The following NVL variants were observed in gnomAD, a reference collection of about 807,000 sequenced individuals.
The protein encoded by NVL is nuclear valosin-containing protein-like.
Under a neutral mutation model 110.2 loss-of-function variants are expected in NVL, and 84 were observed. The ratio of observed to expected loss-of-function variants is 0.76; its 90% CI spans 0.64 to 0.91. The LOEUF is 0.91. Ranked by LOEUF, NVL falls within the 40% of genes least tolerant of loss-of-function variation. The pLI is 0.00. For synonymous variants in NVL, 354 were observed against 361.1 expected (o/e 0.98, Z 0.22); for missense variants, 882 against 1,035.9 (o/e 0.85, Z 2.04).
At chr1:224,239,774 G>T (rs1309615905) in intron 19 of NVL, among the ~76,000 whole-genome samples, 5 of 152,168 alleles carry the variant, frequency 3.3e-5, no homozygotes, top group Non-Finnish European at 4.4e-5. Flanking sequence ...AACTGGCTTT[G>T]TGTAATACCC....
chr1:224,328,947 G>A (rs1424786313), intron 1 of NVL, among the ~76,000 whole-genome samples: 1 of 151,708 alleles, frequency 6.6e-6, no homozygotes, highest in Non-Finnish European at 1.5e-5. Context: ...AGCTTGCACC[G>A]GTAATCCCAG....
At chr1:224,235,620 T>C (rs377333066) in intron 20 of NVL, among the ~76,000 whole-genome samples, 4 of 151,892 alleles carry the variant, frequency 2.6e-5, no homozygotes, top group East Asian at 3.9e-4. Context: ...CACTGCTACA[T>C]TGGAAGGACA....
chr1:224,310,256 A>G (rs971642287), intron 5 of NVL, among the ~76,000 whole-genome samples: 4 of 152,164 alleles, frequency 2.6e-5, no homozygotes, highest in African/African-American at 7.2e-5. Context: ...ATTACAAGTA[A>G]TCCAGAGATA....
intron 12 of NVL, among the ~76,000 whole-genome samples, chr1:224,291,250 G>A (rs1043995258): frequency 6.6e-6 from 1 of 152,104 alleles, no homozygotes; most frequent in African/African-American, 2.4e-5. Flanking sequence ...TTGTTGCCCT[G>A]GCTGGAGTGC....
intron 22 of NVL, 107 bp from the exon 23 acceptor site, chr1:224,227,777 A>G: frequency 1.0e-6 from 1 of 954,496 alleles, no homozygotes; most frequent in Non-Finnish European, 1.6e-6. Context: ...AGGACCTCAG[A>G]ATGTGATTGT....
chr1:224,295,203 T>A (rs576779636), intron 11 of NVL, among the ~76,000 whole-genome samples: 1 of 152,172 alleles, frequency 6.6e-6, no homozygotes, highest in Admixed American at 6.5e-5. Flanking sequence ...TGTTCTTTTT[T>A]TTTTTTTGAG....
At chr1:224,292,417 ATAAAC>A (rs1667459995) in intron 12 of NVL, among the ~76,000 whole-genome samples, 1 of 152,212 alleles carries the variant, frequency 6.6e-6, no homozygotes. Flanking sequence ...TTATAGGTAA[ATAAAC>A]TAAAGCTTGG....
intron 20 of NVL, among the ~76,000 whole-genome samples, chr1:224,234,910 C>T (rs184806040): frequency 6.6e-6 from 1 of 152,302 alleles, no homozygotes; most frequent in East Asian, 1.9e-4. Context: ...AGTTCCGCCA[C>T]CAAAATCACC....
chr1:224,238,293 G>A (rs1055281711), intron 19 of NVL, among the ~76,000 whole-genome samples: 6 of 152,056 alleles, frequency 3.9e-5, no homozygotes, highest in Non-Finnish European at 7.4e-5. Flanking sequence ...TTGGCCACCC[G>A]AAGTGCTGAG....
chr1:224,270,456 G>C (rs1664971570), intron 17 of NVL, among the ~76,000 whole-genome samples: 1 of 152,184 alleles, frequency 6.6e-6, no homozygotes, highest in African/African-American at 2.4e-5. Flanking sequence ...TGCACGGGAA[G>C]CTGAGGCAGA....
chr1:224,300,974 G>A lies in NVL; in HGVS notation c.961-311C>T, dbSNP rs1474854190. 3.3e-5 allele frequency among the ~76,000 whole-genome samples: 5 copies of A among 152,016 alleles called. No individual in the cohort carries two copies. In the East Asian group the frequency reaches 9.6e-4, roughly 29 times the overall value. On this transcript the variant is annotated intron_variant, in intron 9 of 22. Transcript: ENST00000281701. Reference sequence around the variant, plus strand: ...ACAAAAATTAGCCATGCATGGTGGTGCATGCCTATAATCCCAGCTACTTGG... The same window carrying A: ...ACAAAAATTAGCCATGCATGGTGGTACATGCCTATAATCCCAGCTACTTGG...
At chr1:224,299,192 G>A (rs1219269012) in intron 10 of NVL, among the ~76,000 whole-genome samples, 1 of 152,114 alleles carries the variant, frequency 6.6e-6, no homozygotes, top group Non-Finnish European at 1.5e-5. Context: ...GACAATGTTT[G>A]CAAAAGACGC....
intron 19 of NVL, among the ~76,000 whole-genome samples, chr1:224,238,450 GC>G (rs1292061686): frequency 2.0e-5 from 3 of 152,150 alleles, no homozygotes; most frequent in Non-Finnish European, 4.4e-5. Context: ...CTGTTGCTCT[GC>G]CCACACTCAC....
chr1:224,281,284 C>CGTGT (rs34156240), intron 15 of NVL, 99 bp from the exon 16 acceptor site: 141,681 of 546,690 alleles, frequency 0.26, 9,768 homozygotes, highest in Non-Finnish European at 0.28. Context: ...ACTCTGTGTG[C>CGTGT]GTGTGTGTGT....
At chr1:224,297,082 A>G (rs924390290) in intron 10 of NVL, among the ~76,000 whole-genome samples, 1 of 152,256 alleles carries the variant, frequency 6.6e-6, no homozygotes, top group Non-Finnish European at 1.5e-5. Flanking sequence ...ATAATTTGCT[A>G]TAAGAGGAAA....
chr1:224,255,520 C>T (rs955472637), intron 18 of NVL, among the ~76,000 whole-genome samples: 2 of 152,164 alleles, frequency 1.3e-5, no homozygotes, highest in African/African-American at 4.8e-5. Context: ...AATCCTTTAT[C>T]AGATATATGC....
chr1:224,251,578 T>C (rs1300405879), intron 18 of NVL, among the ~76,000 whole-genome samples: 1 of 152,126 alleles, frequency 6.6e-6, no homozygotes, highest in Non-Finnish European at 1.5e-5. Context: ...AGGCGGAGGC[T>C]GCAATGAGCG....
chr1:224,269,870 C>G (rs1664887739), intron 17 of NVL: 1 of 151,578 alleles, frequency 6.6e-6, no homozygotes, highest in South Asian at 2.1e-4. Context: ...CTACCTCAGT[C>G]TCCCAAGTGG....
At chr1:224,317,649 G>T in intron 4 of NVL, 45 bp downstream of exon 4, 1 of 1,146,388 alleles carries the variant, frequency 8.7e-7, no homozygotes, top group South Asian at 1.3e-5. Flanking sequence ...AATGTAACAT[G>T]ATAAAGTTCA....
Sources: allele counts gnomAD v4.1 joint callset (sites outside exome capture counted in the v4.1 genomes callset), GRCh38; gene constraint gnomAD v4.1.1; transcripts MANE v1.5; gene names NCBI Gene and HGNC (gene_info 2026-07-23, HGNC 2026-07-21).